The following L3MBTL4 variants were observed in gnomAD, a reference collection of about 807,000 sequenced individuals.
The protein encoded by L3MBTL4 is lethal(3)malignant brain tumor-like protein 4.
In L3MBTL4, 70 loss-of-function variants were observed where a neutral mutation model predicts 84.5. The ratio of observed to expected loss-of-function variants is 0.83; its 90% confidence interval spans 0.68 to 1.01. The LOEUF is 1.01. Ranked by LOEUF, L3MBTL4 falls within the 50% of genes least tolerant of loss-of-function variation. The probability of loss-of-function intolerance (pLI) is 0.00; values close to 1 mark genes in which losing one functional copy is unlikely to be tolerated. For missense variants in L3MBTL4, 715 were observed against 754.8 expected (o/e 0.95, Z 0.62); for synonymous variants, 274 against 259.8 (o/e 1.05, Z -0.52).
intron 13 of L3MBTL4, among the ~76,000 whole-genome samples, chr18:6,164,087 C>A (rs886219945): frequency 6.6e-6 from 1 of 152,216 alleles, no homozygotes; most frequent in Admixed American, 6.5e-5. Flanking sequence ...TCATTGCTAG[C>A]ACAGCAGTCT....
At chr18:6,093,605 T>A in intron 14 of L3MBTL4, 77 bp from the exon 15 acceptor site, 2 of 1,168,544 alleles carry the variant, frequency 1.7e-6, no homozygotes, top group South Asian at 4.0e-5. Context: ...TAGAGCAGAC[T>A]TACACCTAAT....
chr18:6,143,993 C>G (rs186460577), intron 13 of L3MBTL4, among the ~76,000 whole-genome samples: 3 of 151,992 alleles, frequency 2.0e-5, no homozygotes, highest in African/African-American at 7.3e-5. Flanking sequence ...GTCAGGAGAT[C>G]GAGACTATCC....
intron 16 of L3MBTL4, among the ~76,000 whole-genome samples, chr18:5,973,778 C>T (rs1469467414): frequency 1.3e-5 from 2 of 152,094 alleles, no homozygotes; most frequent in African/African-American, 4.8e-5. Flanking sequence ...CTTCATCCAC[C>T]AGAGCTGGCA....
rs561965849 is a variant in L3MBTL4, at chr18:6,317,134, G to A, written c.-90-5078C>T. Among the ~76,000 whole-genome samples the A allele has an allele frequency of 2.6e-5, 4 of 152,200 alleles. 1 individual carries two copies. In the South Asian group the frequency reaches 8.3e-4, roughly 32 times the overall value. On this transcript the variant is annotated intron_variant, in intron 1 of 18. Transcript: ENST00000317931. ...CACTGAGCACATTGTTACTACAAGA[G>A]GCGTCTGGGAAAGCCACAATACAAA...
intron 16 of L3MBTL4, chr18:6,029,955 A>G (rs998936997): frequency 6.1e-6 from 6 of 985,336 alleles, no homozygotes; most frequent in East Asian, 1.1e-4. Context: ...ACACCTACAG[A>G]AGACACTTTG....
intron 10 of L3MBTL4, among the ~76,000 whole-genome samples, chr18:6,229,564 T>C (rs2046910941): frequency 6.6e-6 from 1 of 152,210 alleles, no homozygotes; most frequent in African/African-American, 2.4e-5. Flanking sequence ...TCCAATGTCA[T>C]GAAGCTTTTT....
At chr18:6,391,536 T>C (rs2055050543) in intron 1 of L3MBTL4, among the ~76,000 whole-genome samples, 1 of 150,840 alleles carries the variant, frequency 6.6e-6, no homozygotes, top group Non-Finnish European at 1.5e-5. Flanking sequence ...AAAGAGGGAG[T>C]CAAACTAACA....
chr18:6,004,208 C>G (rs1235568897), intron 16 of L3MBTL4, among the ~76,000 whole-genome samples: 1 of 152,032 alleles, frequency 6.6e-6, no homozygotes, highest in Non-Finnish European at 1.5e-5. Flanking sequence ...CATACTGATT[C>G]TATAGAAATG....
At chr18:6,068,438 C>T (rs1568061001) in intron 16 of L3MBTL4, among the ~76,000 whole-genome samples, 1 of 152,130 alleles carries the variant, frequency 6.6e-6, no homozygotes, top group East Asian at 1.9e-4. Flanking sequence ...AGGGTGGAAG[C>T]CACCTCAGCT....
intron 1 of L3MBTL4, among the ~76,000 whole-genome samples, chr18:6,329,742 C>CCA (rs2051927567): frequency 6.6e-6 from 1 of 152,062 alleles, no homozygotes; most frequent in South Asian, 2.1e-4. Flanking sequence ...GTCACCATTT[C>CCA]CACTCCCATG....
chr18:6,155,666 G>A (rs145596639), intron 13 of L3MBTL4, among the ~76,000 whole-genome samples: 179 of 152,186 alleles, frequency 1.2e-3, no homozygotes, highest in African/African-American at 4.0e-3. Context: ...AAGCATAAAC[G>A]AAAAGTAACA....
At chr18:5,968,999 G>A (rs1213288916) in intron 17 of L3MBTL4, among the ~76,000 whole-genome samples, 2 of 152,166 alleles carry the variant, frequency 1.3e-5, no homozygotes, top group Non-Finnish European at 2.9e-5. Context: ...CCTGGGCTGG[G>A]CACCTTTCCC....
intron 4 of L3MBTL4, among the ~76,000 whole-genome samples, chr18:6,272,025 C>A (rs1221056927): frequency 1.3e-5 from 2 of 152,200 alleles, no homozygotes; most frequent in East Asian, 3.8e-4. Flanking sequence ...ATGACATAAG[C>A]TCTTGACGGG....
intron 13 of L3MBTL4, among the ~76,000 whole-genome samples, chr18:6,154,695 A>T (rs995824523): frequency 1.3e-5 from 2 of 152,088 alleles, no homozygotes; most frequent in Non-Finnish European, 2.9e-5. Flanking sequence ...GAGGTAATCC[A>T]CTCTGGTGGG....
intron 4 of L3MBTL4, among the ~76,000 whole-genome samples, chr18:6,295,346 C>CTCTCTCTCTCTCTCTCTCTATATATATA (rs1261475809): frequency 1.2e-5 from 1 of 81,382 alleles, no homozygotes; most frequent in African/African-American, 6.6e-5. Flanking sequence ...CTCTCTCTCT[C>CTCTCTCTCTCTCTCTCTCTATATATATA]TATATATATA....
intron 14 of L3MBTL4, among the ~76,000 whole-genome samples, chr18:6,124,406 AT>A (rs1479560698): frequency 2.7e-5 from 4 of 148,734 alleles, no homozygotes; most frequent in Non-Finnish European, 5.9e-5. Flanking sequence ...ATATAGGGGG[AT>A]TTTAAATTAT....
chr18:6,084,497 C>T (rs117084999), intron 15 of L3MBTL4, among the ~76,000 whole-genome samples: 293 of 152,252 alleles, frequency 1.9e-3, no homozygotes, highest in Non-Finnish European at 3.5e-3. Context: ...CCCAAACTGC[C>T]ACAATAACTG....
intron 16 of L3MBTL4, among the ~76,000 whole-genome samples, chr18:6,003,608 A>G (rs1002759258): frequency 1.3e-5 from 2 of 152,084 alleles, no homozygotes; most frequent in East Asian, 1.9e-4. Context: ...ATTATTCTCA[A>G]TTGCACATGA....
In L3MBTL4 at chr18:6,114,286, C is replaced by A. The variant is rs1258521880; in HGVS notation, c.1200-20758G>T. On this transcript the variant is annotated intron_variant, in intron 14 of 18. Coordinates refer to ENST00000317931, the MANE Select transcript of L3MBTL4 (RefSeq NM_001330559.2). ...TTCCCTGCCACCTTCTTATTTAATG[C>A]AGTTGGCTGACTCCACTAATATGCC... Among the ~76,000 whole-genome samples the A allele has an allele frequency of 5.3e-5, 8 of 152,302 alleles. No homozygotes were observed. In the South Asian group the frequency reaches 1.7e-3, roughly 32 times the overall value.
Sources: allele counts gnomAD v4.1 joint callset (sites outside exome capture counted in the v4.1 genomes callset), GRCh38; gene constraint gnomAD v4.1.1; transcripts MANE v1.5; gene names NCBI Gene and HGNC (gene_info 2026-07-23, HGNC 2026-07-21).